HAS3: variants seen among roughly 807,000 people sequenced by gnomAD.
HAS3 encodes the protein hyaluronan synthase 3.
HAS3 carries 27 observed loss-of-function variants against 50.3 expected under a neutral mutation model. The ratio of observed to expected loss-of-function variants is 0.54; its 90% CI spans 0.40 to 0.74. HAS3 has a LOEUF of 0.74. HAS3 is among the 30% of genes least tolerant of loss of function. HAS3 has a pLI of 0.00. For missense variants in HAS3, 517 were observed against 742.8 expected, an observed-to-expected ratio of 0.70 and a Z score of 3.53; for synonymous variants, 339 against 310.9, an observed-to-expected ratio of 1.09 and a Z score of -0.95.
upstream of HAS3, among the ~76,000 whole-genome samples, chr16:69,103,338 G>A (rs1960715700): frequency 6.6e-6 from 1 of 152,206 alleles, no homozygotes; most frequent in Non-Finnish European, 1.5e-5. Context: ...GCCTCTGGGT[G>A]TGCAGGAGGT....
At chr16:69,093,523 C>CTTT in the HAS3 span, among the ~76,000 whole-genome samples, 74 of 87,438 alleles carry the variant, frequency 8.5e-4, no homozygotes, top group African/African-American at 1.1e-3. Flanking sequence ...TACAGTGTAT[C>CTTT]TTTTTTTTTT....
At chr16:69,098,531 C>T in the HAS3 span, among the ~76,000 whole-genome samples, 1 of 151,830 alleles carries the variant, frequency 6.6e-6, no homozygotes, top group Non-Finnish European at 1.5e-5. Flanking sequence ...GCACATGGCA[C>T]TGTGCCTGGC....
intron 2 of HAS3, among the ~76,000 whole-genome samples, chr16:69,110,824 T>C (rs1435303202): frequency 1.3e-5 from 2 of 152,134 alleles, no homozygotes; most frequent in Non-Finnish European, 2.9e-5. Flanking sequence ...GAAAGCGTGG[T>C]GAAGAGCAAA....
In HAS3 at chr16:69,113,600, A is replaced by G. The variant is rs909402844; in HGVS notation, c.738+58A>G. The G allele has an allele frequency of 6.6e-5, 66 of 1,007,516 alleles. No homozygotes were observed. In the African/African-American group the frequency reaches 1.0e-3, roughly 16 times the overall value. 62.4% of individuals were successfully genotyped at this position (1,007,516 alleles called of 1,614,324 possible). On this transcript the variant is annotated intron_variant, in intron 3 of 3. Coordinates refer to ENST00000569188, the MANE Select transcript of HAS3 (RefSeq NM_001199280.2). ...GGTCTGGACTCTTTTTCCTAATCCA[A>G]TTGGATATGCCTGGGAAATGGGTGT...
In HAS3 at chr16:69,117,225, T is replaced by C; in HGVS notation, c.*1959T>C. 1 of 985,918 alleles carries C rather than the reference T, an allele frequency of 1.0e-6. No individual in the cohort carries two copies. Among genetic ancestry groups the C allele is most frequent in the African/African-American group, 1.7e-5 (1 of 57,384 alleles). 61.1% of individuals were successfully genotyped at this position (985,918 alleles called of 1,614,324 possible). On this transcript the variant is annotated 3_prime_UTR_variant, in exon 4 of 4. Coordinates refer to ENST00000569188, the MANE Select transcript of HAS3 (RefSeq NM_001199280.2). ...GCCAAGTGCAGAGTTCAGACTTCGC[T>C]AAGGGCTTGTTTTTCTTCAGCATTT...
At chr16:69,105,491 G>A (rs1960766143), upstream of HAS3, 1 of 152,132 alleles carries the variant, frequency 6.6e-6, no homozygotes, top group Non-Finnish European at 1.5e-5. Flanking sequence ...AAGAAGAGGA[G>A]GAATTGTTTT....
Position 69,116,019 on chromosome 16 carries a change from T to A in HAS3, c.*753T>A. On this transcript the variant is annotated 3_prime_UTR_variant, in exon 4 of 4. Coordinates refer to ENST00000569188, the MANE Select transcript of HAS3 (RefSeq NM_001199280.2). Reference sequence around the variant, plus strand: ...GGCCTTGGGTGTTCCACCTGGAAACTGCTCAGACGTCTAGATGGGTTCTTA... The same window carrying A: ...GGCCTTGGGTGTTCCACCTGGAAACAGCTCAGACGTCTAGATGGGTTCTTA... 1.0e-6 allele frequency: 1 copy of A among 985,480 alleles called. No homozygotes were observed. Among genetic ancestry groups the A allele is most frequent in the Non-Finnish European group, 1.2e-6 (1 of 829,720 alleles). The allele number at this position is 985,480 out of a possible 1,614,324, so 61.0% of individuals were successfully genotyped here.
At position 69,107,229 on chromosome 16, in the gene HAS3, A is replaced by G. The variant is rs1960830945; in HGVS notation, c.-1+1442A>G. ...ACCAGCGCCTGATTGCACGTGGGGT[A>G]TCTGGCTGAGGGACATTTTGGGGGC... On this transcript the variant is annotated intron_variant, in intron 1 of 3. Coordinates refer to ENST00000569188, the MANE Select transcript of HAS3 (RefSeq NM_001199280.2). This position sits in a 1 kb window ranked among gnomAD's most constrained non-coding sequence, Gnocchi z 5.5. The G allele has an allele frequency of 3.5e-6, 2 of 570,772 alleles. No individual in the cohort carries two copies. Among genetic ancestry groups the G allele is most frequent in the Non-Finnish European group, 4.4e-6 (2 of 455,048 alleles). The allele number at this position is 570,772 out of a possible 1,614,324, so 35.4% of individuals were successfully genotyped here. A position where few individuals can be genotyped will look rare whatever the true frequency, so the allele number is the denominator to read the frequency against.
chr16:69,099,625 C>G, the HAS3 span, among the ~76,000 whole-genome samples: 1 of 152,202 alleles, frequency 6.6e-6, no homozygotes, highest in Non-Finnish European at 1.5e-5. Flanking sequence ...CGCGCCCAGC[C>G]TAATTCATAC....
chr16:69,114,018 G>A lies in HAS3; in HGVS notation c.739-325G>A, dbSNP rs1009474777. Among the ~76,000 whole-genome samples the A allele has an allele frequency of 3.9e-5, 6 of 152,202 alleles. No homozygotes were observed. The highest frequency in any genetic ancestry group is 8.8e-5 in the Non-Finnish European group (6 of 68,048). The stretch of plus-strand genomic sequence containing the variant: ...TCTCAGGACAGGTGGTTGTGGTGGT[G>A]TTTTGCATTCTTCCCAAGCCCCCTT... On this transcript the variant is annotated intron_variant, in intron 3 of 3. Coordinates refer to ENST00000569188, the MANE Select transcript of HAS3 (RefSeq NM_001199280.2). The surrounding 1 kb of genome is among the most constrained non-coding windows in gnomAD (Gnocchi z 6.4).
At chr16:69,098,389 C>T in the HAS3 span, among the ~76,000 whole-genome samples, 3 of 151,652 alleles carry the variant, frequency 2.0e-5, no homozygotes, top group Non-Finnish European at 2.9e-5. Context: ...AAAAGGAAAT[C>T]CTGTGAACTC....
At position 69,109,550 on chromosome 16, in the gene HAS3, T is replaced by C; in HGVS notation, c.155T>C (p.Leu52Pro). Residue 52 changes from leucine to proline, a missense_variant, in exon 2 of 4, where the codon CTG becomes CCG. Coordinates refer to ENST00000569188, the MANE Select transcript of HAS3 (RefSeq NM_001199280.2). This position sits in a 1 kb window ranked among gnomAD's most constrained non-coding sequence, Gnocchi z 5.3. ...YLSFGLYGAI[L>P]GLHLLIQSLF... ...TCCTTCGGCCTGTACGGCGCCATCC[T>C]GGGCCTGCACCTGCTCATTCAGAGC... 6.2e-7 allele frequency: 1 copy of C among 1,613,916 alleles called. No homozygotes were observed. The highest frequency in any genetic ancestry group is 8.5e-7 in the Non-Finnish European group (1 of 1,180,036).
At chr16:69,113,929 C>G (rs773251586) in intron 3 of HAS3, among the ~76,000 whole-genome samples, 6 of 152,146 alleles carry the variant, frequency 3.9e-5, no homozygotes, top group Admixed American at 3.9e-4. Context: ...AGAATAAGGG[C>G]CCCAATCTGC....
the HAS3 span, among the ~76,000 whole-genome samples, chr16:69,089,044 C>A: frequency 6.6e-6 from 1 of 152,170 alleles, no homozygotes; most frequent in East Asian, 1.9e-4. Context: ...CTCGGTGGCT[C>A]TGTTGTTTCA....
At chr16:69,093,568 T>C in the HAS3 span, among the ~76,000 whole-genome samples, 1 of 144,746 alleles carries the variant, frequency 6.9e-6, no homozygotes, top group Non-Finnish European at 1.5e-5. Flanking sequence ...TCCACTCTTG[T>C]TGTCCAGGCT....
At chr16:69,111,246 G>A (rs1004236003) in intron 2 of HAS3, among the ~76,000 whole-genome samples, 2 of 123,872 alleles carry the variant, frequency 1.6e-5, no homozygotes, top group Middle Eastern at 0.014. Context: ...ACTTTTTGTA[G>A]TTTTAGTTAG....
upstream of HAS3, among the ~76,000 whole-genome samples, chr16:69,104,259 GTTTTTT>G (rs544314357): frequency 7.9e-6 from 1 of 127,056 alleles, no homozygotes; most frequent in African/African-American, 2.8e-5. Flanking sequence ...CCTGGCTAAT[GTTTTTT>G]TTTTTTTTCT....
At chr16:69,112,833 T>C (rs576647668) in intron 2 of HAS3, among the ~76,000 whole-genome samples, 9 of 152,318 alleles carry the variant, frequency 5.9e-5, no homozygotes, top group African/African-American at 2.2e-4. Flanking sequence ...CTTCCATGCC[T>C]ATTCAGAGCA....
At chr16:69,098,083 C>T in the HAS3 span, among the ~76,000 whole-genome samples, 8 of 152,136 alleles carry the variant, frequency 5.3e-5, no homozygotes, top group East Asian at 1.9e-4. Flanking sequence ...CCACCCTGCC[C>T]GGGCTTATAA....
Sources: gnomAD v4.1 joint callset for allele counts (sites outside exome capture counted in the v4.1 genomes callset) on GRCh38, gnomAD v4.1.1 for gene constraint, Gnocchi (gnomAD v3.1) non-coding constraint, MANE v1.5 for transcripts, NCBI Gene and HGNC (gene_info 2026-07-23, HGNC 2026-07-21) for gene names.